The following ZBTB20 variants were observed in gnomAD, a reference collection of about 807,000 sequenced individuals.
The protein encoded by ZBTB20 is zinc finger and BTB domain containing 20.
A neutral mutation model predicts 56.9 loss-of-function variants in ZBTB20; 9 were observed. The observed-to-expected ratio is 0.16, with a 90% confidence interval of 0.10 to 0.28. The LOEUF is 0.28. Among genes scored for constraint, ZBTB20 ranks in the 10% least tolerant of loss-of-function variants. The probability of loss-of-function intolerance (pLI) is 1.00; values close to 1 mark genes in which losing one functional copy is unlikely to be tolerated. For synonymous variants in ZBTB20, 417 were observed against 420.7 expected (o/e 0.99, Z 0.11); for missense variants, 655 against 1,003.0 (o/e 0.65, Z 4.69).
chr3:114,757,537 T>A (rs1319100395), intron 5 of ZBTB20, among the ~76,000 whole-genome samples: 1 of 152,156 alleles, frequency 6.6e-6, no homozygotes, highest in Non-Finnish European at 1.5e-5. Context: ...ATGCTTTAAA[T>A]GCCCCCTTTG....
chr3:114,462,099 T>A (rs914021060), intron 7 of ZBTB20, among the ~76,000 whole-genome samples: 3 of 152,206 alleles, frequency 2.0e-5, no homozygotes, highest in Admixed American at 6.5e-5. Context: ...ATCATGCATA[T>A]GAAAACACTT....
intron 1 of ZBTB20, among the ~76,000 whole-genome samples, chr3:115,081,997 G>A (rs1335634980): frequency 6.6e-6 from 1 of 152,076 alleles, no homozygotes; most frequent in Non-Finnish European, 1.5e-5. Flanking sequence ...ATATTCACAA[G>A]TGGCTTCTGG....
At chr3:114,587,481 AAT>A (rs1247091238) in intron 6 of ZBTB20, among the ~76,000 whole-genome samples, 3 of 152,208 alleles carry the variant, frequency 2.0e-5, no homozygotes, top group African/African-American at 7.2e-5. Flanking sequence ...AGAAAGCGAT[AAT>A]AGTACTCATT....
intron 6 of ZBTB20, among the ~76,000 whole-genome samples, chr3:114,649,021 T>TA (rs370475233): frequency 6.6e-6 from 1 of 152,010 alleles, no homozygotes; most frequent in Admixed American, 6.5e-5. Flanking sequence ...GCTCACCATT[T>TA]AAAAATTTAA....
chr3:114,369,977 T>C (rs1215138402), intron 10 of ZBTB20, among the ~76,000 whole-genome samples: 1 of 152,196 alleles, frequency 6.6e-6, no homozygotes, highest in Non-Finnish European at 1.5e-5. Context: ...GAAGTAATAA[T>C]ACTTGTAAAA....
At chr3:114,742,504 A>G (rs1018568566) in intron 5 of ZBTB20, among the ~76,000 whole-genome samples, 1 of 152,224 alleles carries the variant, frequency 6.6e-6, no homozygotes. Flanking sequence ...CAAGCCAGGT[A>G]CGATGTCAAA....
intron 2 of ZBTB20, among the ~76,000 whole-genome samples, chr3:115,044,612 G>A (rs2081271188): frequency 6.6e-6 from 1 of 152,222 alleles, no homozygotes; most frequent in South Asian, 2.1e-4. Context: ...GTGGCTACCA[G>A]AAGAATTGCT....
intron 3 of ZBTB20, among the ~76,000 whole-genome samples, chr3:114,911,848 A>T (rs1007324247): frequency 3.9e-5 from 6 of 151,960 alleles, no homozygotes; most frequent in African/African-American, 1.4e-4. Flanking sequence ...ACAAAAACTA[A>T]TATAAAGAAA....
At chr3:114,669,217 G>A (rs1007720249) in intron 6 of ZBTB20, among the ~76,000 whole-genome samples, 1 of 151,924 alleles carries the variant, frequency 6.6e-6, no homozygotes, top group South Asian at 2.1e-4. Flanking sequence ...CCTGCATCCC[G>A]GCAAAGAATT....
At chr3:114,544,409 CTTTCTTTCTTTCTTTCTTTCTT>C (rs1332219763) in intron 6 of ZBTB20, among the ~76,000 whole-genome samples, 229 of 5,128 alleles carry the variant, frequency 0.045, 1 homozygote, top group African/African-American at 0.072. Flanking sequence ...TAGATTTCTT[CTTTCTTTCTTTCTTTCTTTCTT>C]TCTTTCTTTC....
At chr3:114,443,076 GACAGCTAGCTATC>G (rs1036821655) in intron 7 of ZBTB20, among the ~76,000 whole-genome samples, 2 of 152,102 alleles carry the variant, frequency 1.3e-5, no homozygotes, top group African/African-American at 4.8e-5. Context: ...TGCCAAAGAT[GACAGCTAGCTATC>G]AAAAAGATCT....
intron 4 of ZBTB20, among the ~76,000 whole-genome samples, chr3:114,871,402 T>C (rs986813861): frequency 6.6e-6 from 1 of 152,166 alleles, no homozygotes; most frequent in African/African-American, 2.4e-5. Flanking sequence ...TACTTTAGTT[T>C]TAGGGTCCTT....
chr3:114,689,190 G>A (rs774164453), intron 6 of ZBTB20, among the ~76,000 whole-genome samples: 12 of 152,068 alleles, frequency 7.9e-5, no homozygotes, highest in Non-Finnish European at 1.5e-4. Flanking sequence ...TCTCATTACG[G>A]TAATGTCATA....
At chr3:114,434,091 GATTATTA>G (rs1447358515) in intron 7 of ZBTB20, among the ~76,000 whole-genome samples, 3 of 152,100 alleles carry the variant, frequency 2.0e-5, no homozygotes, top group African/African-American at 7.2e-5. Context: ...TATTTTAGAT[GATTATTA>G]ACACCCTGCT....
chr3:114,706,579 T>C (rs1284617395), intron 5 of ZBTB20, among the ~76,000 whole-genome samples: 1 of 152,140 alleles, frequency 6.6e-6, no homozygotes, highest in Non-Finnish European at 1.5e-5. Flanking sequence ...GGTTCAGAGA[T>C]ACATCCTCCA....
chr3:114,650,208 C>T (rs1382851558), intron 6 of ZBTB20, among the ~76,000 whole-genome samples: 1 of 141,046 alleles, frequency 7.1e-6, no homozygotes, highest in Non-Finnish European at 1.5e-5. Flanking sequence ...AAAACTTCCA[C>T]TCGTTTATAT....
intron 7 of ZBTB20, among the ~76,000 whole-genome samples, chr3:114,465,426 G>T (rs1400399609): frequency 6.6e-6 from 1 of 152,194 alleles, no homozygotes; most frequent in Admixed American, 6.5e-5. Flanking sequence ...AAGGATAGGG[G>T]CCAGGTGCGG....
intron 6 of ZBTB20, among the ~76,000 whole-genome samples, chr3:114,657,207 CT>C (rs1435915667): frequency 3.3e-5 from 5 of 152,168 alleles, no homozygotes; most frequent in African/African-American, 1.2e-4. Context: ...TAGTCGACCA[CT>C]TTGATTTGAA....
intron 6 of ZBTB20, among the ~76,000 whole-genome samples, chr3:114,531,404 G>A (rs2047825973): frequency 6.6e-6 from 1 of 152,180 alleles, no homozygotes; most frequent in African/African-American, 2.4e-5. Flanking sequence ...TTTTAACTCA[G>A]TGTCAGAGAA....
Sources: gnomAD v4.1 joint callset for allele counts (sites outside exome capture counted in the v4.1 genomes callset) on GRCh38, gnomAD v4.1.1 for gene constraint, MANE v1.5 for transcripts, NCBI Gene and HGNC (gene_info 2026-07-23, HGNC 2026-07-21) for gene names.